LARGE1: variants seen among roughly 807,000 people sequenced by gnomAD.
The protein encoded by LARGE1 is LARGE xylosyl- and glucuronyltransferase 1.
Under a neutral mutation model 87.6 loss-of-function variants are expected in LARGE1, and 43 were observed. The ratio of observed to expected loss-of-function variants is 0.49; its 90% CI spans 0.38 to 0.63. LARGE1 has a LOEUF of 0.63. Among genes scored for constraint, LARGE1 ranks in the 30% least tolerant of loss-of-function variants. LARGE1 has a pLI of 0.00. For synonymous variants in LARGE1, 434 were observed against 394.6 expected, an observed-to-expected ratio of 1.10 and a Z score of -1.18; for missense variants, 802 against 1,000.2, an observed-to-expected ratio of 0.80 and a Z score of 2.67.
At chr22:33,230,759 A>T (rs1925968745) in intron 11 of LARGE1, among the ~76,000 whole-genome samples, 1 of 152,220 alleles carries the variant, frequency 6.6e-6, no homozygotes, top group Non-Finnish European at 1.5e-5. Context: ...CAAAGAGCTT[A>T]TAAATAGCTT....
At chr22:33,290,230 GGGAAACA>G (rs1932287633) in intron 12 of LARGE1, among the ~76,000 whole-genome samples, 1 of 152,040 alleles carries the variant, frequency 6.6e-6, no homozygotes, top group Non-Finnish European at 1.5e-5. Flanking sequence ...CCTGTAACCA[GGGAAACA>G]GCCCAGGTTC....
At chr22:33,111,728 T>G in the LARGE1 span, among the ~76,000 whole-genome samples, 2 of 152,236 alleles carry the variant, frequency 1.3e-5, no homozygotes, top group African/African-American at 2.4e-5. Flanking sequence ...TTGAGAAGGT[T>G]GCTTGAGGTC....
At chr22:33,834,326 G>A (rs567078801) in intron 1 of LARGE1, among the ~76,000 whole-genome samples, 19 of 152,236 alleles carry the variant, frequency 1.2e-4, no homozygotes, top group Non-Finnish European at 2.4e-4. Context: ...CATATCCCCT[G>A]TGACCTGCAC....
At chr22:33,309,588 G>C (rs1935336458) in intron 11 of LARGE1, among the ~76,000 whole-genome samples, 1 of 152,182 alleles carries the variant, frequency 6.6e-6, no homozygotes, top group South Asian at 2.1e-4. Flanking sequence ...ATCGACCGAA[G>C]CCTTGATCTT....
downstream of LARGE1, among the ~76,000 whole-genome samples, chr22:33,269,793 C>T (rs1052003430): frequency 1.3e-5 from 2 of 152,078 alleles, no homozygotes; most frequent in Non-Finnish European, 2.9e-5. Flanking sequence ...ATCATGAGGT[C>T]AGGAGATCGA....
intron 1 of LARGE1, among the ~76,000 whole-genome samples, chr22:33,860,856 C>T (rs1039071507): frequency 1.4e-4 from 21 of 152,276 alleles, no homozygotes; most frequent in Admixed American, 6.5e-4. Context: ...GGAGTCAGCA[C>T]GGGGAACACC....
At chr22:33,649,572 A>G (rs901263830) in intron 3 of LARGE1, among the ~76,000 whole-genome samples, 5 of 152,224 alleles carry the variant, frequency 3.3e-5, no homozygotes, top group African/African-American at 1.2e-4. Flanking sequence ...TTTACTGATG[A>G]GACACCTGGA....
intron 7 of LARGE1, among the ~76,000 whole-genome samples, chr22:33,400,896 G>A (rs7285067): frequency 0.31 from 46,476 of 152,014 alleles, 7,788 homozygotes; most frequent in African/African-American, 0.44. Context: ...TGAACACTTC[G>A]TGAGTGCCCC....
At chr22:33,369,987 A>G (rs2064748572) in intron 9 of LARGE1, among the ~76,000 whole-genome samples, 1 of 152,214 alleles carries the variant, frequency 6.6e-6, no homozygotes, top group Non-Finnish European at 1.5e-5. Context: ...TTTACATATT[A>G]CAACAGCTCC....
At chr22:33,841,689 C>G (rs2063286209) in intron 1 of LARGE1, among the ~76,000 whole-genome samples, 1 of 152,166 alleles carries the variant, frequency 6.6e-6, no homozygotes, top group Non-Finnish European at 1.5e-5. Flanking sequence ...CTATGTCTCC[C>G]CCTGAAGCCC....
intron 9 of LARGE1, among the ~76,000 whole-genome samples, chr22:33,372,237 GTTC>G (rs2064836667): frequency 6.6e-6 from 1 of 151,908 alleles, no homozygotes. Flanking sequence ...TTATAAAATA[GTTC>G]TTATTACAAA....
At chr22:33,709,303 C>T (rs1015130197) in intron 2 of LARGE1, among the ~76,000 whole-genome samples, 9 of 152,162 alleles carry the variant, frequency 5.9e-5, no homozygotes, top group African/African-American at 1.2e-4. Flanking sequence ...GATCCCACCA[C>T]GCCACGAAGG....
intron 7 of LARGE1, among the ~76,000 whole-genome samples, chr22:33,403,044 T>TA (rs946395174): frequency 2.1e-5 from 3 of 144,314 alleles, no homozygotes; most frequent in Non-Finnish European, 4.5e-5. Context: ...GCTATGGCTG[T>TA]AAAAAACAAA....
rs369755599 is a variant in LARGE1, at chr22:33,194,822, A to G, written c.1731-27990T>C. On this transcript the variant is annotated intron_variant, in intron 11 of 11. Coordinates refer to the LARGE1 transcript ENST00000608642. ...GAAAGGGGAATAGAGAGCCAGAGTG[A>G]AGGAGTGACTTTTGCCAGACCAGTC... 2.6e-5 allele frequency among the ~76,000 whole-genome samples: 4 copies of G among 152,292 alleles called. No homozygotes were observed. In the East Asian group the frequency reaches 5.8e-4, roughly 22 times the overall value.
intron 11 of LARGE1, among the ~76,000 whole-genome samples, chr22:33,203,797 C>A (rs1431194016): frequency 6.6e-6 from 1 of 152,226 alleles, no homozygotes; most frequent in African/African-American, 2.4e-5. Flanking sequence ...AGAGATCTGG[C>A]TGAAGCATCA....
At position 33,274,309 on chromosome 22, in the gene LARGE1, G is replaced by C; in HGVS notation, c.*118C>G. The C allele has an allele frequency of 9.0e-7, 1 of 1,111,688 alleles. No homozygotes were observed. Among genetic ancestry groups the C allele is most frequent in the Non-Finnish European group, 1.4e-6 (1 of 731,782 alleles). 68.9% of individuals were successfully genotyped at this position (1,111,688 alleles called of 1,614,324 possible). On this transcript the variant is annotated 3_prime_UTR_variant, in exon 15 of 15. Transcript: ENST00000397394. ...GAGGGCAGCTTGGCTGGGCCAAAGA[G>C]ATAAATAAAAACAAACCGAAAAAGC...
In LARGE1 at chr22:33,626,179, C is replaced by G. The variant is rs890104695; in HGVS notation, c.491+65G>C. 4.2e-6 allele frequency: 6 copies of G among 1,438,918 alleles called. No individual in the cohort carries two copies. In the African/African-American group the frequency reaches 8.3e-5, roughly 20 times the overall value. The allele number at this position is 1,438,918 out of a possible 1,614,324, so 89.1% of individuals were successfully genotyped here. On this transcript the variant is annotated intron_variant, in intron 4 of 14. Coordinates refer to ENST00000397394, the MANE Select transcript of LARGE1 (RefSeq NM_133642.5). ...AAATTTTGCTCCTATTTAACCCTTCCCCAAGGAAATACACAGGCAGGCAGT... is the reference window on the plus strand; with the variant it reads ...AAATTTTGCTCCTATTTAACCCTTCGCCAAGGAAATACACAGGCAGGCAGT...
chr22:33,770,499 TAGAG>T (rs1332805236), intron 1 of LARGE1, among the ~76,000 whole-genome samples: 3 of 151,802 alleles, frequency 2.0e-5, no homozygotes, highest in East Asian at 1.9e-4. Context: ...CTGGGCAACA[TAGAG>T]AGACCTACCA....
At chr22:33,561,523 C>G (rs537187738) in intron 6 of LARGE1, among the ~76,000 whole-genome samples, 1 of 152,324 alleles carries the variant, frequency 6.6e-6, no homozygotes, top group African/African-American at 2.4e-5. Flanking sequence ...TCTGTTAGGA[C>G]AGGGCTGCTA....
Sources: gnomAD v4.1 joint callset for allele counts (sites outside exome capture counted in the v4.1 genomes callset) on GRCh38, gnomAD v4.1.1 for gene constraint, MANE v1.5 for transcripts, NCBI Gene and HGNC (gene_info 2026-07-23, HGNC 2026-07-21) for gene names.